The following ACVR1 variants were observed in gnomAD, a reference collection of about 807,000 sequenced individuals.
The protein encoded by ACVR1 is activin A receptor type 1.
Under a neutral mutation model 57.1 loss-of-function variants are expected in ACVR1, and 38 were observed. The observed-to-expected ratio is 0.67, with a 90% confidence interval of 0.51 to 0.87. The LOEUF (loss-of-function observed/expected upper bound fraction) is 0.87, where lower values mean the gene tolerates loss of function less well. ACVR1 is among the 40% of genes least tolerant of loss of function. The probability of loss-of-function intolerance (pLI) is 0.00; values close to 1 mark genes in which losing one functional copy is unlikely to be tolerated. For missense variants in ACVR1, 463 were observed against 638.2 expected (o/e 0.73, Z 2.96); for synonymous variants, 212 against 228.1 (o/e 0.93, Z 0.63).
At chr2:157,761,471 T>C (rs1031844852) in intron 8 of ACVR1, among the ~76,000 whole-genome samples, 1 of 152,188 alleles carries the variant, frequency 6.6e-6, no homozygotes, top group Non-Finnish European at 1.5e-5. Flanking sequence ...CTGCTCTCAC[T>C]AGTCTCCAAA....
chr2:157,762,284 T>C (rs1685688922), intron 8 of ACVR1, among the ~76,000 whole-genome samples: 1 of 152,258 alleles, frequency 6.6e-6, no homozygotes. Context: ...AATTTTATTA[T>C]AGCATACTGC....
At chr2:157,844,838 C>T (rs997313590) in intron 1 of ACVR1, among the ~76,000 whole-genome samples, 1 of 152,062 alleles carries the variant, frequency 6.6e-6, no homozygotes, top group African/African-American at 2.4e-5. Context: ...GAGATTCATG[C>T]TCTTATAAAA....
Position 157,799,415 on chromosome 2 carries a change from TGA to T in ACVR1, c.67+10_67+11del. On this transcript the variant is annotated intron_variant, in intron 3 of 10. Transcript: ENST00000434821. ...ATACTTATCTTAACCCAAAAAGATG[TGA>T]GTCACTTACCTTCCATACTAGGGGA... The T allele has an allele frequency of 6.2e-7, 1 of 1,605,128 alleles. No homozygotes were observed. Among genetic ancestry groups the T allele is most frequent in the South Asian group, 1.1e-5 (1 of 90,834 alleles).
At chr2:157,772,532 T>C (rs1362585176) in intron 6 of ACVR1, among the ~76,000 whole-genome samples, 1 of 152,202 alleles carries the variant, frequency 6.6e-6, no homozygotes, top group Non-Finnish European at 1.5e-5. Context: ...GAGGAATATC[T>C]ATAGAACCAG....
intron 1 of ACVR1, among the ~76,000 whole-genome samples, chr2:157,859,829 T>C (rs1292408832): frequency 6.6e-6 from 1 of 152,098 alleles, no homozygotes; most frequent in African/African-American, 2.4e-5. Flanking sequence ...TCGCCTCACA[T>C]GCTGCTAGGT....
At chr2:157,778,102 T>C in intron 5 of ACVR1, 29 bp downstream of exon 5, 1 of 1,611,152 alleles carries the variant, frequency 6.2e-7, no homozygotes, top group Non-Finnish European at 8.5e-7. Flanking sequence ...TTCCTTATGC[T>C]TGGGATTTCC....
intron 9 of ACVR1, among the ~76,000 whole-genome samples, chr2:157,742,545 G>A (rs1684814828): frequency 6.6e-6 from 1 of 152,066 alleles, no homozygotes; most frequent in South Asian, 2.1e-4. Context: ...TTTTTTCCTG[G>A]GCATATGTCT....
chr2:157,872,533 T>C (rs1183214031), intron 1 of ACVR1, among the ~76,000 whole-genome samples: 4 of 152,080 alleles, frequency 2.6e-5, no homozygotes, highest in South Asian at 4.2e-4. Flanking sequence ...AGTTGCAATA[T>C]TGGAAAGGAG....
intron 1 of ACVR1, among the ~76,000 whole-genome samples, chr2:157,859,688 C>T (rs1284150445): frequency 6.6e-6 from 1 of 152,136 alleles, no homozygotes; most frequent in East Asian, 1.9e-4. Flanking sequence ...GACTCCCAAA[C>T]AGCCCTGAAA....
chr2:157,789,316 T>C (rs6705728), intron 3 of ACVR1, among the ~76,000 whole-genome samples: 123,001 of 152,158 alleles, frequency 0.81, 49,893 homozygotes, highest in East Asian at 0.93. Flanking sequence ...CCATTCCCAG[T>C]TTCCACAATA....
At chr2:157,746,773 T>C (rs1051969728) in intron 9 of ACVR1, among the ~76,000 whole-genome samples, 2 of 152,250 alleles carry the variant, frequency 1.3e-5, no homozygotes, top group Non-Finnish European at 2.9e-5. Context: ...CTTAAGTTCA[T>C]ATGGAAAATT....
At chr2:157,841,136 C>T (rs1688958244) in intron 1 of ACVR1, among the ~76,000 whole-genome samples, 1 of 152,150 alleles carries the variant, frequency 6.6e-6, no homozygotes, top group Non-Finnish European at 1.5e-5. Context: ...CTTGTCCATA[C>T]TTGGCTTCTA....
intron 1 of ACVR1, among the ~76,000 whole-genome samples, chr2:157,859,898 A>C (rs1045358948): frequency 6.6e-6 from 1 of 152,172 alleles, no homozygotes. Flanking sequence ...ATTATACTTA[A>C]GAAATAAATT....
intron 1 of ACVR1, among the ~76,000 whole-genome samples, chr2:157,867,597 G>A (rs754472597): frequency 6.6e-6 from 1 of 151,976 alleles, no homozygotes; most frequent in Non-Finnish European, 1.5e-5. Context: ...GGCTGCCAGA[G>A]TTTTCAGTGT....
rs763961607 is a variant in ACVR1, at chr2:157,780,441, T to G, written c.227A>C (p.Gln76Pro). 1 of 1,614,176 alleles carries G rather than the reference T, an allele frequency of 6.2e-7. No homozygotes were observed. The highest frequency in any genetic ancestry group is 8.5e-7 in the Non-Finnish European group (1 of 1,180,024). ...CGGGGTCTTACAGGTCATCTTTCCC[T>G]GCTCATAAACCTGGAAGCAGCCTTT... Reference protein sequence around the residue: ...YQKGCFQVYEQGKMTCKTPPS... With the variant: ...YQKGCFQVYEPGKMTCKTPPS... The change falls in exon 4 of 11, where the codon CAG (glutamine) becomes CCG (proline). Residue 76 changes from glutamine (Q) to proline (P), a missense_variant. Physicochemically the swap from Gln to Pro is moderately conservative, Grantham distance 76. This residue lies in a region of ACVR1 where 203 missense variants were observed against 235.5 expected (regional missense o/e 0.86). Coordinates refer to ENST00000434821, the MANE Select transcript of ACVR1 (RefSeq NM_001111067.4).
At chr2:157,843,063 T>C (rs991506798) in intron 1 of ACVR1, among the ~76,000 whole-genome samples, 2 of 152,184 alleles carry the variant, frequency 1.3e-5, no homozygotes, top group African/African-American at 2.4e-5. Context: ...TATCCTCCCA[T>C]TGAATTTGGA....
chr2:157,789,818 A>C (rs1200669465), intron 3 of ACVR1, among the ~76,000 whole-genome samples: 1 of 152,244 alleles, frequency 6.6e-6, no homozygotes, highest in African/African-American at 2.4e-5. Context: ...GTATAAAATG[A>C]AACAAAATAG....
chr2:157,738,985 T>G (rs999780209), intron 9 of ACVR1, among the ~76,000 whole-genome samples: 2 of 152,090 alleles, frequency 1.3e-5, no homozygotes, highest in African/African-American at 4.8e-5. Context: ...TAAATAGAAA[T>G]AAAAAGTTGT....
chr2:157,780,219 G>A (rs1686451923), intron 4 of ACVR1, 118 bp downstream of exon 4: 20 of 1,439,978 alleles, frequency 1.4e-5, no homozygotes, highest in Non-Finnish European at 1.6e-5. Context: ...GTAGCTCTTC[G>A]CCTCTGATTC....
Sources: gnomAD v4.1 joint callset for allele counts (sites outside exome capture counted in the v4.1 genomes callset) on GRCh38, gnomAD v4.1.1 for gene constraint, gnomAD v4.1.1 regional missense constraint, MANE v1.5 for transcripts, NCBI Gene and HGNC (gene_info 2026-07-23, HGNC 2026-07-21) for gene names.